KCNMA1: variants seen among roughly 807,000 people sequenced by gnomAD.
The protein encoded by KCNMA1 is Calcium-activated potassium channel subunit alpha-1.
In KCNMA1, 29 loss-of-function variants were observed where a neutral mutation model predicts 140.0. The ratio of observed to expected loss-of-function variants is 0.21; its 90% CI spans 0.15 to 0.28. The LOEUF (loss-of-function observed/expected upper bound fraction) is 0.28. Ranked by LOEUF, KCNMA1 falls within the 10% of genes least tolerant of loss-of-function variation. The pLI, the probability that KCNMA1 is intolerant of heterozygous loss-of-function variation, is 1.00. For missense variants in KCNMA1, 880 were observed against 1,602.2 expected (o/e 0.55, Z 7.70); for synonymous variants, 612 against 611.9 (o/e 1.00, Z 0.00).
intron 1 of KCNMA1, among the ~76,000 whole-genome samples, chr10:77,554,339 A>G (rs556325649): frequency 6.6e-6 from 1 of 152,248 alleles, no homozygotes; most frequent in East Asian, 1.9e-4. Context: ...GCTCACACCT[A>G]TAATCCCAGC....
At chr10:77,292,009 T>C (rs542400321) in intron 2 of KCNMA1, among the ~76,000 whole-genome samples, 1 of 152,278 alleles carries the variant, frequency 6.6e-6, no homozygotes, top group Non-Finnish European at 1.5e-5. Context: ...ACTTTAAAAT[T>C]GAACTAAGGG....
At chr10:77,528,608 CAA>C (rs376809211) in intron 1 of KCNMA1, among the ~76,000 whole-genome samples, 21 of 91,970 alleles carry the variant, frequency 2.3e-4, no homozygotes, top group Non-Finnish European at 1.8e-4. Flanking sequence ...GAGCCCATCT[CAA>C]AAAAAAAAAA....
chr10:77,140,033 T>C (rs952170418), intron 5 of KCNMA1, among the ~76,000 whole-genome samples: 1 of 152,250 alleles, frequency 6.6e-6, no homozygotes, highest in African/African-American at 2.4e-5. Flanking sequence ...CTGAAATATA[T>C]TCTTTAATAG....
chr10:76,954,333 G>A (rs778211550), intron 20 of KCNMA1, among the ~76,000 whole-genome samples: 5 of 151,994 alleles, frequency 3.3e-5, no homozygotes, highest in African/African-American at 7.2e-5. Flanking sequence ...GTTGCTATGA[G>A]CCTCGGCAAT....
chr10:76,981,187 A>C (rs2079310836), intron 19 of KCNMA1, among the ~76,000 whole-genome samples: 1 of 152,078 alleles, frequency 6.6e-6, no homozygotes, highest in African/African-American at 2.4e-5. Context: ...TCCCCAAGCA[A>C]TTGAGCCGCT....
chr10:76,994,153 C>G (rs1360578905), intron 19 of KCNMA1, among the ~76,000 whole-genome samples: 1 of 152,124 alleles, frequency 6.6e-6, no homozygotes, highest in Non-Finnish European at 1.5e-5. Context: ...GGCTATGAGA[C>G]CCTTGGCCAG....
In KCNMA1 at chr10:77,258,776, AAT is replaced by A. The variant is rs566217926; in HGVS notation, c.541-7522_541-7521del. 3.9e-4 allele frequency among the ~76,000 whole-genome samples: 60 copies of A among 152,200 alleles called. 1 individual carries two copies. Among genetic ancestry groups the A allele is most frequent in the African/African-American group, 1.3e-3 (55 of 41,534 alleles). ...TCAGGAGCTCAAGACCAGCCTGGCC[AAT>A]ACGGTGAAACCCCATCTCTACTAAA... On this transcript the variant is annotated intron_variant, in intron 2 of 27. Transcript: ENST00000286628.
At chr10:77,173,853 A>C (rs1053876034) in intron 5 of KCNMA1, among the ~76,000 whole-genome samples, 1 of 152,022 alleles carries the variant, frequency 6.6e-6, no homozygotes, top group African/African-American at 2.4e-5. Context: ...TGTCACTGAG[A>C]AGCAACTCCC....
At chr10:77,051,821 C>T (rs1428613059) in intron 14 of KCNMA1, among the ~76,000 whole-genome samples, 6 of 152,054 alleles carry the variant, frequency 3.9e-5, no homozygotes, top group South Asian at 2.1e-4. Flanking sequence ...CTAGTACCTA[C>T]CTCCTAGGGA....
Position 77,637,796 on chromosome 10 carries a change from C to G in KCNMA1, c.-154G>C. 8.0e-7 allele frequency: 1 copy of G among 1,248,820 alleles called. No homozygotes were observed. Among genetic ancestry groups the G allele is most frequent in the Non-Finnish European group, 1.0e-6 (1 of 997,664 alleles). The allele number at this position is 1,248,820 out of a possible 1,614,324, so 77.4% of individuals were successfully genotyped here. A position where few individuals can be genotyped will look rare whatever the true frequency, so the allele number is the denominator to read the frequency against. ...AGGGGGGCGGGGAGGCGCCTGGGCT[C>G]GGGGCGCTGTGCGCGACCTGGCGGG... On this transcript the variant is annotated 5_prime_UTR_variant, in exon 1 of 28. Transcript: ENST00000286628.
intron 1 of KCNMA1, among the ~76,000 whole-genome samples, chr10:77,490,656 T>C (rs1020829276): frequency 1.3e-5 from 2 of 152,194 alleles, no homozygotes; most frequent in Non-Finnish European, 2.9e-5. Context: ...CATTTAGCAG[T>C]TGAAAAGAAA....
chr10:77,550,154 C>G (rs1419449690), intron 1 of KCNMA1, among the ~76,000 whole-genome samples: 3 of 152,118 alleles, frequency 2.0e-5, no homozygotes, highest in Non-Finnish European at 4.4e-5. Context: ...CAAGTCAGAG[C>G]AAAGGAGAAA....
intron 5 of KCNMA1, among the ~76,000 whole-genome samples, chr10:77,178,139 G>A (rs936585207): frequency 3.9e-5 from 6 of 152,158 alleles, no homozygotes; most frequent in African/African-American, 1.2e-4. Flanking sequence ...GGCCAGTTCT[G>A]ATACAGACAA....
chr10:77,007,413 CT>C (rs2089206688), intron 18 of KCNMA1, among the ~76,000 whole-genome samples: 1 of 152,020 alleles, frequency 6.6e-6, no homozygotes, highest in African/African-American at 2.4e-5. Flanking sequence ...ACTTCATAGA[CT>C]GCAGATAATA....
intron 1 of KCNMA1, among the ~76,000 whole-genome samples, chr10:77,500,667 A>G (rs1003664611): frequency 6.6e-6 from 1 of 152,232 alleles, no homozygotes; most frequent in Non-Finnish European, 1.5e-5. Context: ...CTCACAACAC[A>G]AAACATCAAA....
At chr10:77,613,749 T>C (rs1247522789) in intron 1 of KCNMA1, among the ~76,000 whole-genome samples, 2 of 152,208 alleles carry the variant, frequency 1.3e-5, no homozygotes, top group African/African-American at 4.8e-5. Flanking sequence ...AATGAGGAAC[T>C]TGGCTCCTCT....
chr10:77,618,715 T>C (rs1361848902), intron 1 of KCNMA1, among the ~76,000 whole-genome samples: 2 of 152,212 alleles, frequency 1.3e-5, no homozygotes, highest in Non-Finnish European at 2.9e-5. Flanking sequence ...CTGCCAATCA[T>C]GGATAACAAT....
chr10:76,927,839 C>T (rs530929665), intron 23 of KCNMA1, among the ~76,000 whole-genome samples: 12 of 152,244 alleles, frequency 7.9e-5, no homozygotes, highest in African/African-American at 2.6e-4. Flanking sequence ...AGCATAGACT[C>T]CCACTGGGAA....
chr10:76,970,034 T>A lies in KCNMA1; in HGVS notation c.2300A>T (p.Lys767Ile). ...CATGCCTCCATTCCGTTGCTTTTTT[T>A]TTGGTGATAGTGTTGACGGCTGCTC... ...EDEQPSTLSP[K>I]KKQRNGGMRN... is the part of the protein sequence containing the mutation. The change falls in exon 20 of 28, where the codon AAA becomes ATA. Residue 767 changes from lysine to isoleucine, a missense_variant. Lys to Ile is a moderately radical substitution (Grantham distance 102). Transcript: ENST00000286628. 1 of 1,614,080 alleles carries A rather than the reference T, an allele frequency of 6.2e-7. No individual in the cohort carries two copies. The highest frequency in any genetic ancestry group is 8.5e-7 in the Non-Finnish European group (1 of 1,179,976).
Sources: allele counts gnomAD v4.1 joint callset (sites outside exome capture counted in the v4.1 genomes callset), GRCh38; gene constraint gnomAD v4.1.1; transcripts MANE v1.5; gene names NCBI Gene and HGNC (gene_info 2026-07-23, HGNC 2026-07-21).